Variants in DAB1 observed in about 807,000 individuals in gnomAD.
DAB1 encodes DAB adaptor protein 1.
Under a neutral mutation model 64.6 loss-of-function variants are expected in DAB1, and 15 were observed. The ratio of observed to expected loss-of-function variants is 0.23; its 90% CI spans 0.16 to 0.36. The LOEUF is 0.36. Among genes scored for constraint, DAB1 ranks in the 10% least tolerant of loss-of-function variants. The probability of loss-of-function intolerance (pLI) is 1.00; values close to 1 mark genes in which losing one functional copy is unlikely to be tolerated. For missense variants in DAB1, 596 were observed against 706.7 expected, an observed-to-expected ratio of 0.84 and a Z score of 1.78; for synonymous variants, 235 against 251.9, an observed-to-expected ratio of 0.93 and a Z score of 0.64.
At chr1:58,019,580 A>G (rs1646788119) in intron 5 of DAB1, among the ~76,000 whole-genome samples, 1 of 152,224 alleles carries the variant, frequency 6.6e-6, no homozygotes, top group South Asian at 2.1e-4. Flanking sequence ...TAACTGCACC[A>G]TGAAAAATGC....
intron 7 of DAB1, among the ~76,000 whole-genome samples, chr1:57,625,835 C>T (rs971381209): frequency 2.0e-5 from 3 of 151,974 alleles, no homozygotes; most frequent in Admixed American, 1.3e-4. Context: ...AGTTGTACAC[C>T]AGTTCTGGCT....
chr1:57,769,377 A>T (rs1649458604), intron 6 of DAB1, among the ~76,000 whole-genome samples: 1 of 152,174 alleles, frequency 6.6e-6, no homozygotes. Context: ...GATCAACATT[A>T]TGCTATGAGC....
At chr1:58,054,146 A>C (rs1239779257) in intron 5 of DAB1, among the ~76,000 whole-genome samples, 1 of 152,230 alleles carries the variant, frequency 6.6e-6, no homozygotes, top group Non-Finnish European at 1.5e-5. Context: ...ACAGATAAAG[A>C]CGCTAAGTCT....
chr1:58,117,333 C>T (rs1224582371), intron 5 of DAB1, among the ~76,000 whole-genome samples: 1 of 152,188 alleles, frequency 6.6e-6, no homozygotes, highest in Non-Finnish European at 1.5e-5. Flanking sequence ...GTGAAAGAGG[C>T]AGAATCAGAA....
At chr1:57,587,169 A>C (rs1206067300) in intron 7 of DAB1, among the ~76,000 whole-genome samples, 2 of 152,172 alleles carry the variant, frequency 1.3e-5, no homozygotes, top group African/African-American at 4.8e-5. Flanking sequence ...TAAATGAGTA[A>C]AAATCTTGCT....
At chr1:58,211,311 T>C (rs1658539353) in intron 4 of DAB1, among the ~76,000 whole-genome samples, 1 of 152,198 alleles carries the variant, frequency 6.6e-6, no homozygotes, top group Non-Finnish European at 1.5e-5. Context: ...ATTTTAGGCA[T>C]TCCATTCAAA....
At chr1:57,645,477 A>G (rs1335545467) in intron 7 of DAB1, among the ~76,000 whole-genome samples, 3 of 152,158 alleles carry the variant, frequency 2.0e-5, no homozygotes, top group Non-Finnish European at 2.9e-5. Context: ...AGTAGGAAAG[A>G]GTCTCTTCAG....
At chr1:57,312,610 T>C (rs781159868) in intron 1 of DAB1, among the ~76,000 whole-genome samples, 14 of 152,166 alleles carry the variant, frequency 9.2e-5, no homozygotes, top group Non-Finnish European at 1.5e-4. Context: ...GGCTAATGCA[T>C]CCAGGATCTG....
Position 57,923,166 on chromosome 1 carries a change from G to A in DAB1, n.388-39004C>T, listed in dbSNP as rs1457363908. Among the ~76,000 whole-genome samples, 6 of 152,024 alleles carry A rather than the reference G, an allele frequency of 3.9e-5. No individual in the cohort carries two copies. The South Asian group carries it at 8.3e-4, about 21-fold the overall frequency. ...TATAAAGAGATGGAACAGGAAAGGA[G>A]GTCTACAGGCTTTTCACAGTTTTGT... On this transcript the variant is annotated intron_variant and non_coding_transcript_variant, in intron 5 of 20. Transcript: ENST00000485760.
At chr1:57,623,241 C>A (rs961634603) in intron 7 of DAB1, among the ~76,000 whole-genome samples, 1 of 152,106 alleles carries the variant, frequency 6.6e-6, no homozygotes, top group African/African-American at 2.4e-5. Flanking sequence ...GATCTTCCCA[C>A]GGAAGGAGTG....
chr1:57,893,943 G>A (rs1644354536), intron 5 of DAB1, among the ~76,000 whole-genome samples: 1 of 152,130 alleles, frequency 6.6e-6, no homozygotes, highest in South Asian at 2.1e-4. Context: ...CTTGTATACA[G>A]CCTCCTAGGG....
In DAB1 at chr1:58,276,298, T is replaced by A. The variant is rs527785080; in HGVS notation, n.309+67054A>T. Among the ~76,000 whole-genome samples, 48 of 152,266 alleles carry A rather than the reference T, an allele frequency of 3.2e-4. 1 individual carries two copies. In the South Asian group the frequency reaches 4.8e-3, roughly 15 times the overall value. On this transcript the variant is annotated intron_variant and non_coding_transcript_variant, in intron 4 of 20. Coordinates refer to the DAB1 transcript ENST00000485760. ...ACTTAAATATGTTAAAATTATAAAT[T>A]TTATGTTATGTGTATTTTATCATCA... is the stretch of plus-strand genomic sequence containing the variant.
At chr1:58,344,143 T>C (rs1643969235) in intron 3 of DAB1, among the ~76,000 whole-genome samples, 1 of 152,082 alleles carries the variant, frequency 6.6e-6, no homozygotes, top group Non-Finnish European at 1.5e-5. Context: ...TTAACCTCTC[T>C]GAGTCTCGCT....
intron 14 of DAB1, among the ~76,000 whole-genome samples, chr1:57,006,360 T>C (rs1357643085): frequency 3.3e-5 from 5 of 152,232 alleles, no homozygotes; most frequent in Non-Finnish European, 7.3e-5. Flanking sequence ...TGCTCAAACA[T>C]GCTGCTTGTG....
chr1:57,838,800 A>G (rs1323781844), intron 1 of DAB1, among the ~76,000 whole-genome samples: 1 of 146,586 alleles, frequency 6.8e-6, no homozygotes, highest in Non-Finnish European at 1.5e-5. Context: ...TTTTTGAGGC[A>G]GGGTCTCTCT....
At chr1:57,151,720 T>C (rs2100846142) in intron 2 of DAB1, among the ~76,000 whole-genome samples, 1 of 152,048 alleles carries the variant, frequency 6.6e-6, no homozygotes, top group South Asian at 2.1e-4. Flanking sequence ...AGAAAAAAAG[T>C]TGTTAGTAAT....
At chr1:58,132,756 A>T (rs1382422742) in intron 5 of DAB1, among the ~76,000 whole-genome samples, 1 of 152,172 alleles carries the variant, frequency 6.6e-6, no homozygotes, top group Non-Finnish European at 1.5e-5. Flanking sequence ...TGCTGTCTGG[A>T]TGAGGCTCAG....
At chr1:57,975,205 G>A (rs1015005912) in intron 5 of DAB1, among the ~76,000 whole-genome samples, 1 of 152,126 alleles carries the variant, frequency 6.6e-6, no homozygotes, top group Non-Finnish European at 1.5e-5. Flanking sequence ...CCAGACACTA[G>A]ATGTGCCAGC....
At chr1:57,225,304 G>A (rs1299971857) in intron 2 of DAB1, among the ~76,000 whole-genome samples, 1 of 152,198 alleles carries the variant, frequency 6.6e-6, no homozygotes, top group Non-Finnish European at 1.5e-5. Context: ...CAGTCTTGTA[G>A]AACTAAATCC....
Sources: allele counts gnomAD v4.1 joint callset (sites outside exome capture counted in the v4.1 genomes callset), GRCh38; gene constraint gnomAD v4.1.1; transcripts MANE v1.5; gene names NCBI Gene and HGNC (gene_info 2026-07-23, HGNC 2026-07-21).